Variants in USP54 observed in about 807,000 individuals in gnomAD.
USP54 encodes the protein ubiquitin carboxyl-terminal hydrolase 54.
USP54 carries 87 observed loss-of-function variants against 170.5 expected under a neutral mutation model. The observed-to-expected ratio is 0.51, with a 90% confidence interval of 0.43 to 0.61. The LOEUF (loss-of-function observed/expected upper bound fraction) is 0.61, where lower values mean the gene tolerates loss of function less well. Ranked by LOEUF, USP54 falls within the 20% of genes least tolerant of loss-of-function variation. The probability of loss-of-function intolerance (pLI) is 0.00; values close to 1 mark genes in which losing one functional copy is unlikely to be tolerated. For synonymous variants in USP54, 655 were observed against 742.8 expected (o/e 0.88, Z 1.92); for missense variants, 1,786 against 2,047.8 (o/e 0.87, Z 2.47).
chr10:73,541,498 C>A lies in USP54; in HGVS notation c.702G>T (p.Arg234Ser). The A allele has an allele frequency of 6.2e-7, 1 of 1,614,186 alleles. No individual in the cohort carries two copies. The highest frequency in any genetic ancestry group is 8.5e-7 in the Non-Finnish European group (1 of 1,180,044). ...NCPSNCGERI[R>S]IRRVLMNAPQ... The stretch of plus-strand genomic sequence containing the variant: ...GAGCATTCATCAACACACGGCGAAT[C>A]CTGATCCTCTCTCCACAGTTGCTCT... The change falls in exon 9 of 24, where the codon AGG (arginine) becomes AGT (serine). Residue 234 changes from arginine to serine, a missense_variant. By Grantham distance (110) the Arg-to-Ser change is moderately radical (BLOSUM62 -1). Coordinates refer to ENST00000687698, the MANE Select transcript of USP54 (RefSeq NM_001391956.1).
intron 1 of USP54, among the ~76,000 whole-genome samples, chr10:73,625,333 T>C (rs984073120): frequency 2.0e-5 from 3 of 151,414 alleles, no homozygotes; most frequent in Non-Finnish European, 4.4e-5. Flanking sequence ...TCCGTTCGCA[T>C]CTCAAGAGTG....
intron 4 of USP54, among the ~76,000 whole-genome samples, chr10:73,549,611 C>T (rs2068741822): frequency 6.6e-6 from 1 of 152,108 alleles, no homozygotes; most frequent in Non-Finnish European, 1.5e-5. Flanking sequence ...TATTTCCACT[C>T]TCAAATATAT....
chr10:73,578,672 G>A (rs958373802), intron 1 of USP54, among the ~76,000 whole-genome samples: 10 of 152,124 alleles, frequency 6.6e-5, no homozygotes, highest in Non-Finnish European at 1.0e-4. Context: ...CCCAAATGCT[G>A]GGATTACAGG....
At chr10:73,622,916 C>G (rs2081207336) in intron 1 of USP54, among the ~76,000 whole-genome samples, 2 of 151,358 alleles carry the variant, frequency 1.3e-5, no homozygotes, top group South Asian at 4.2e-4. Flanking sequence ...GCACTCCAGC[C>G]TGGGCAACAG....
intron 1 of USP54, among the ~76,000 whole-genome samples, chr10:73,590,696 T>G (rs190464920): frequency 1.6e-3 from 240 of 152,264 alleles, no homozygotes; most frequent in Non-Finnish European, 2.7e-3. Context: ...CAAAAATCAT[T>G]CCCAGAAGCA....
At chr10:73,592,936 C>T (rs1268277946), upstream of USP54, among the ~76,000 whole-genome samples, 1 of 152,268 alleles carries the variant, frequency 6.6e-6, no homozygotes, top group Non-Finnish European at 1.5e-5. Context: ...CTTATTCCCT[C>T]TTCAAGACTG....
chr10:73,548,869 A>T (rs2068549699), intron 4 of USP54, among the ~76,000 whole-genome samples: 1 of 152,232 alleles, frequency 6.6e-6, no homozygotes, highest in Admixed American at 6.5e-5. Context: ...AACTTAAAGT[A>T]TAATTTTATT....
In USP54 at chr10:73,542,820, G is replaced by A. The variant is rs760908320; in HGVS notation, c.555C>T (p.Ile185=). The A allele has an allele frequency of 6.2e-7, 1 of 1,613,978 alleles. No individual in the cohort carries two copies. The highest frequency in any genetic ancestry group is 2.2e-5 in the East Asian group (1 of 44,868). ...AGACTCACCAAAGGGAAGTGGTGGA[G>A]ATATAATGTACCATCTGGATGAAAG... The part of the protein sequence containing the change: ...PLPFIQMVHY[I]STTSLCNQAI... The change falls in exon 7 of 24, where the codon ATC becomes ATT. Residue 185 remains isoleucine (I), a synonymous_variant. Coordinates refer to ENST00000687698, the MANE Select transcript of USP54 (RefSeq NM_001391956.1).
intron 1 of USP54, among the ~76,000 whole-genome samples, chr10:73,588,416 G>C (rs998821101): frequency 5.9e-5 from 9 of 152,122 alleles, no homozygotes; most frequent in African/African-American, 2.2e-4. Context: ...TAAAGATGGG[G>C]TTTCACCATG....
chr10:73,518,044 G>A (rs779119249), intron 19 of USP54: 61 of 480,264 alleles, frequency 1.3e-4, no homozygotes, highest in Non-Finnish European at 1.6e-4. Flanking sequence ...CTGTGAAGTC[G>A]CATTCCAATC....
chr10:73,610,368 T>C (rs1186675693), intron 1 of USP54, among the ~76,000 whole-genome samples: 22 of 152,116 alleles, frequency 1.4e-4, no homozygotes, highest in Admixed American at 1.4e-3. Context: ...TGTACTGTAA[T>C]CCCAGCATTT....
At chr10:73,547,950 C>T (rs556181556) in intron 4 of USP54, among the ~76,000 whole-genome samples, 1 of 152,142 alleles carries the variant, frequency 6.6e-6, no homozygotes, top group African/African-American at 2.4e-5. Context: ...AGGCAACCTA[C>T]AGAACGGTAG....
chr10:73,516,388 T>A lies in USP54; in HGVS notation c.4038A>T (p.Pro1346=). ...TTGCATTCTTACCTGTTTGGCTAAG[T>A]GGGTGCCAGGCGGTATCCTGCTGCC... ...GWGQQDTAWH[P]LSQTGSADGM... Residue 1346 remains proline, a synonymous_variant, in exon 20 of 24, where the codon CCA becomes CCT. Transcript: ENST00000687698. The A allele has an allele frequency of 6.2e-7, 1 of 1,610,008 alleles. No homozygotes were observed.
chr10:73,547,443 G>A (rs1388845635), intron 4 of USP54, among the ~76,000 whole-genome samples: 1 of 152,122 alleles, frequency 6.6e-6, no homozygotes, highest in Non-Finnish European at 1.5e-5. Context: ...TAAGCAAAAA[G>A]AACAAAGCTG....
At chr10:73,577,200 T>C (rs898003940) in intron 1 of USP54, among the ~76,000 whole-genome samples, 9 of 152,216 alleles carry the variant, frequency 5.9e-5, no homozygotes, top group African/African-American at 1.9e-4. Flanking sequence ...AAGTGTTAAA[T>C]TTGCCAACAT....
chr10:73,541,281 T>C, intron 9 of USP54, 94 bp downstream of exon 9: 5 of 1,540,210 alleles, frequency 3.2e-6, no homozygotes, highest in Non-Finnish European at 4.4e-6. Flanking sequence ...ATACTTGTCA[T>C]CTAGGACATA....
rs369212599 is a variant in USP54 at position 73,615,701 on chromosome 10, G to A, written c.-18+9866C>T. Among the ~76,000 whole-genome samples, 50 of 147,612 alleles carry A rather than the reference G, an allele frequency of 3.4e-4. 7 individuals carry two copies. The highest frequency in any genetic ancestry group is 1.2e-3 in the African/African-American group (46 of 38,432). Reference sequence around the variant, plus strand: ...TCTGCGAAGCTGAGGCAGGCAGATCGCTTGAGGTCAGGAATTCTAGAATAG... The same window carrying A: ...TCTGCGAAGCTGAGGCAGGCAGATCACTTGAGGTCAGGAATTCTAGAATAG... On this transcript the variant is annotated intron_variant, in intron 1 of 22. Transcript: ENST00000339859.
intron 4 of USP54, among the ~76,000 whole-genome samples, chr10:73,567,223 G>A (rs1489691253): frequency 1.3e-5 from 2 of 152,144 alleles, no homozygotes; most frequent in South Asian, 2.1e-4. Flanking sequence ...TACTGCAAGG[G>A]TGTTGACTTT....
chr10:73,548,854 C>A (rs966192232), intron 4 of USP54, among the ~76,000 whole-genome samples: 1 of 152,076 alleles, frequency 6.6e-6, no homozygotes. Flanking sequence ...GCACATGTAC[C>A]CTAGAACTTA....
Sources: gnomAD v4.1 joint callset for allele counts (sites outside exome capture counted in the v4.1 genomes callset) on GRCh38, gnomAD v4.1.1 for gene constraint, MANE v1.5 for transcripts, NCBI Gene and HGNC (gene_info 2026-07-23, HGNC 2026-07-21) for gene names.